CAMK2G: variants seen among roughly 807,000 people sequenced by gnomAD.
CAMK2G encodes calcium/calmodulin dependent protein kinase II gamma.
CAMK2G carries 23 observed loss-of-function variants against 88.7 expected under a neutral mutation model. The ratio of observed to expected loss-of-function variants is 0.26; its 90% CI spans 0.19 to 0.37. The LOEUF is 0.37. Among genes scored for constraint, CAMK2G ranks in the 10% least tolerant of loss-of-function variants. CAMK2G has a pLI of 1.00. For synonymous variants in CAMK2G, 263 were observed against 294.8 expected (o/e 0.89, Z 1.11); for missense variants, 476 against 780.8 (o/e 0.61, Z 4.65).
rs898155936 is a variant in CAMK2G, at chr10:73,849,180, G to C, written c.415-65C>G. ...TGCAGCCCAGAGGAAGCCTAGTTTG[G>C]GCCTACGCAGTACCACTATCTGGCA... On this transcript the variant is annotated intron_variant, in intron 6 of 22. Transcript: ENST00000423381. 35 of 1,566,978 alleles carry C rather than the reference G, an allele frequency of 2.2e-5. 1 individual carries two copies. Among genetic ancestry groups the C allele is most frequent in the Non-Finnish European group, 2.2e-5 (25 of 1,137,116 alleles).
At chr10:73,868,442 C>T (rs572559409) in intron 2 of CAMK2G, among the ~76,000 whole-genome samples, 3 of 152,318 alleles carry the variant, frequency 2.0e-5, no homozygotes, top group South Asian at 2.1e-4. Context: ...TGACAAAAGC[C>T]GCCTGGCAGA....
At chr10:73,862,492 T>C (rs541098286) in intron 2 of CAMK2G, among the ~76,000 whole-genome samples, 30 of 152,306 alleles carry the variant, frequency 2.0e-4, no homozygotes, top group Middle Eastern at 3.4e-3. Flanking sequence ...TCGCTTACTA[T>C]GCACTGACTA....
At chr10:73,836,962 C>A (rs2093311290) in intron 14 of CAMK2G, 1 of 161,850 alleles carries the variant, frequency 6.2e-6, no homozygotes, top group Non-Finnish European at 1.4e-5. Flanking sequence ...GCCTATGCGT[C>A]AAGAAAGCTC....
intron 4 of CAMK2G, chr10:73,852,751 C>A (rs1269898493): frequency 2.9e-5 from 7 of 237,974 alleles, no homozygotes; most frequent in Non-Finnish European, 5.7e-5. Context: ...AGAGGAGTGT[C>A]CAGGAGGTAA....
intron 22 of CAMK2G, 176 bp from the exon 23 acceptor site, chr10:73,814,681 GCTTTACTTATAGTATCT>G (rs1461087357): frequency 1.0e-5 from 3 of 289,682 alleles, no homozygotes; most frequent in African/African-American, 6.3e-5. Context: ...CTAACTAAGT[GCTTTACTTATAGTATCT>G]TACTTAATCC....
At chr10:73,821,572 A>T in intron 18 of CAMK2G, 110 bp downstream of exon 18, 1 of 813,750 alleles carries the variant, frequency 1.2e-6, no homozygotes, top group Admixed American at 2.1e-5. Flanking sequence ...TCCTAGGGGC[A>T]TAGGAGCCAG....
chr10:73,849,250 C>T lies in CAMK2G; in HGVS notation c.414+11G>A. ...CATGAGCAGAGGCACGGAGGGGAGC[C>T]TGGGTAGTACCTTCAGGTCCCTGTG... is the stretch of plus-strand genomic sequence containing the variant. On this transcript the variant is annotated intron_variant, in intron 6 of 22. Coordinates refer to ENST00000423381, the MANE Select transcript of CAMK2G (RefSeq NM_001367534.1). The T allele has an allele frequency of 6.2e-7, 1 of 1,611,160 alleles. No homozygotes were observed.
In CAMK2G at chr10:73,813,509, G is replaced by A. The variant is rs2132950754; in HGVS notation, c.*1009C>T. 1 of 152,838 alleles carries A rather than the reference G, an allele frequency of 6.5e-6. No homozygotes were observed. The highest frequency in any genetic ancestry group is 1.5e-5 in the Non-Finnish European group (1 of 68,156). The allele number at this position is 152,838 out of a possible 1,614,324, so 9.5% of individuals were successfully genotyped here. A position where few individuals can be genotyped will look rare whatever the true frequency, so the allele number is the denominator to read the frequency against. On this transcript the variant is annotated 3_prime_UTR_variant, in exon 23 of 23. Coordinates refer to ENST00000423381, the MANE Select transcript of CAMK2G (RefSeq NM_001367534.1). ...TCCTCCCATCCCACAGGGGCACTTG[G>A]CAGAGGGCCCAGGCCCAGATGAGGG...
intron 19 of CAMK2G, chr10:73,818,404 C>A: frequency 3.3e-6 from 1 of 304,296 alleles, no homozygotes; most frequent in Non-Finnish European, 6.6e-6. Flanking sequence ...ATAGGGAATG[C>A]CACTACCAGC....
chr10:73,865,003 C>T (rs1391789930), intron 2 of CAMK2G, among the ~76,000 whole-genome samples: 28 of 152,200 alleles, frequency 1.8e-4, no homozygotes, highest in Admixed American at 1.8e-3. Flanking sequence ...TGAGGTGGTA[C>T]AGGTCAAGAG....
chr10:73,817,595 C>G (rs749695581), intron 19 of CAMK2G, 41 bp from the exon 20 acceptor site: 1 of 1,388,360 alleles, frequency 7.2e-7, no homozygotes, highest in South Asian at 1.2e-5. Flanking sequence ...TACTGGGGAA[C>G]CTCCCAAGTT....
chr10:73,871,357 TCAC>T (rs1410064650), intron 2 of CAMK2G, among the ~76,000 whole-genome samples: 3 of 151,956 alleles, frequency 2.0e-5, no homozygotes, highest in Admixed American at 6.6e-5. Context: ...CTGCAGGAAG[TCAC>T]CACATCACCT....
At chr10:73,833,164 C>T (rs938793958) in intron 14 of CAMK2G, among the ~76,000 whole-genome samples, 5 of 150,216 alleles carry the variant, frequency 3.3e-5, no homozygotes, top group Non-Finnish European at 5.9e-5. Flanking sequence ...GGTCTCACTA[C>T]GTTTCCCAGG....
intron 5 of CAMK2G, among the ~76,000 whole-genome samples, chr10:73,850,545 C>T (rs563335383): frequency 2.6e-5 from 4 of 152,308 alleles, no homozygotes; most frequent in African/African-American, 9.6e-5. Context: ...ATGTCTGCCA[C>T]AATGCACAGG....
chr10:73,816,704 C>T (rs2085649133), intron 21 of CAMK2G: 2 of 1,191,558 alleles, frequency 1.7e-6, no homozygotes, highest in Non-Finnish European at 2.2e-6. Flanking sequence ...CGTGATCCGC[C>T]AGCCTCAGCC....
rs1234833450 is a variant in CAMK2G at position 73,842,808 on chromosome 10, GA to G, written c.820-268del. On this transcript the variant is annotated intron_variant, in intron 10 of 22. Transcript: ENST00000423381. This position sits in a 1 kb window ranked among gnomAD's most constrained non-coding sequence, Gnocchi z 4.6. ...GAGAGACCGTCCTATTCTTCCTTGG[GA>G]AACAGAGGCTACCGAACAGGAGAGT... 6.6e-6 allele frequency among the ~76,000 whole-genome samples: 1 copy of G among 152,188 alleles called. No homozygotes were observed. The highest frequency in any genetic ancestry group is 1.5e-5 in the Non-Finnish European group (1 of 68,028).
intron 21 of CAMK2G, chr10:73,816,042 G>C: frequency 1.1e-5 from 11 of 985,432 alleles, no homozygotes; most frequent in Non-Finnish European, 1.3e-5. Flanking sequence ...TGATAAGGGT[G>C]GGAGCCAGCG....
Position 73,874,441 on chromosome 10 carries a change from G to A in CAMK2G, c.21C>T (p.Cys7=), listed in dbSNP as rs1173225557. The stretch of plus-strand genomic sequence containing the variant: ...GCTGGTAGTCGTCGGTGAAACGGGT[G>A]CAGGTGGCGGTGGTGGCCATGCTGG... MATTAT[C]TRFTDDYQLF... is the part of the protein sequence containing the mutation. Residue 7 remains cysteine (C), a synonymous_variant, in exon 1 of 23, where the codon TGC becomes TGT. Transcript: ENST00000423381. 1 of 1,523,698 alleles carries A rather than the reference G, an allele frequency of 6.6e-7. No homozygotes were observed. Among genetic ancestry groups the A allele is most frequent in the African/African-American group, 1.4e-5 (1 of 70,088 alleles). The allele number at this position is 1,523,698 out of a possible 1,614,324, so 94.4% of individuals were successfully genotyped here.
At chr10:73,818,931 G>A (rs765003096) in intron 19 of CAMK2G, 22 of 416,940 alleles carry the variant, frequency 5.3e-5, no homozygotes, top group Non-Finnish European at 9.4e-5. Flanking sequence ...ATAACCCATC[G>A]AGGCACCGTA....
Sources: gnomAD v4.1 joint callset for allele counts (sites outside exome capture counted in the v4.1 genomes callset) on GRCh38, gnomAD v4.1.1 for gene constraint, Gnocchi (gnomAD v3.1) non-coding constraint, MANE v1.5 for transcripts, NCBI Gene and HGNC (gene_info 2026-07-23, HGNC 2026-07-21) for gene names.